The following DEPDC7 variants were observed in gnomAD, a reference collection of about 807,000 sequenced individuals.
DEPDC7 encodes DEP domain containing 7, also known as DEP domain-containing protein 7.
DEPDC7 carries 41 observed loss-of-function variants against 56.6 expected under a neutral mutation model. The ratio of observed to expected loss-of-function variants is 0.72; its 90% confidence interval spans 0.56 to 0.94. The LOEUF is 0.94. DEPDC7 is among the 40% of genes least tolerant of loss of function. The pLI is 0.00. For missense variants in DEPDC7, 522 were observed against 596.3 expected (o/e 0.88, Z 1.30); for synonymous variants, 185 against 208.8 (o/e 0.89, Z 0.98).
In DEPDC7 at chr11:33,015,927, G is replaced by C; in HGVS notation, c.-29G>C. 6.4e-7 allele frequency: 1 copy of C among 1,558,964 alleles called. No homozygotes were observed. Among genetic ancestry groups the C allele is most frequent in the Middle Eastern group, 1.7e-4 (1 of 5,924 alleles). ...GAGCTAGGGAGCTGTGAAGCTGCTG[G>C]AGGAGTTGGCGTCCGGGGAGCAAGG... is the stretch of plus-strand genomic sequence containing the variant. On this transcript the variant is annotated 5_prime_UTR_variant, in exon 1 of 9. Coordinates refer to ENST00000241051, the MANE Select transcript of DEPDC7 (RefSeq NM_001077242.2).
At chr11:33,016,813 T>G (rs1357601166) in intron 1 of DEPDC7, among the ~76,000 whole-genome samples, 1 of 152,214 alleles carries the variant, frequency 6.6e-6, no homozygotes, top group Non-Finnish European at 1.5e-5. Context: ...TACAACCCAG[T>G]TAATAGGGGT....
At position 33,032,688 on chromosome 11, in the gene DEPDC7, G is replaced by T; in HGVS notation, c.1158G>T (p.Val386=). ...TATAGAGTGACAACCGAATGGTTGT[G>T]AAAAGGATATTCTCAAAAGCTATTG... ...LQKESDNRMV[V]KRIFSKAIVD... Residue 386 remains valine (V), a synonymous_variant, in exon 7 of 9, where the codon GTG becomes GTT. Transcript: ENST00000241051. The T allele has an allele frequency of 6.3e-7, 1 of 1,594,790 alleles. No individual in the cohort carries two copies. Among genetic ancestry groups the T allele is most frequent in the Non-Finnish European group, 8.5e-7 (1 of 1,169,910 alleles).
intron 3 of DEPDC7, chr11:33,028,049 C>A (rs149546704): frequency 0.01 from 3,684 of 351,242 alleles, 24 homozygotes; most frequent in Non-Finnish European, 0.014. Flanking sequence ...AGGTTCAGAT[C>A]TGAGATGTTT....
intron 4 of DEPDC7, among the ~76,000 whole-genome samples, chr11:33,030,750 A>T (rs1282830554): frequency 6.6e-6 from 1 of 151,706 alleles, no homozygotes; most frequent in Non-Finnish European, 1.5e-5. Context: ...CACCCAGCTA[A>T]TTTTTGCATT....
At position 33,028,784 on chromosome 11, in the gene DEPDC7, T is replaced by C; in HGVS notation, c.774T>C (p.Ser258=). 6.2e-7 allele frequency: 1 copy of C among 1,604,764 alleles called. No individual in the cohort carries two copies. The highest frequency in any genetic ancestry group is 8.5e-7 in the Non-Finnish European group (1 of 1,176,964). The change falls in exon 4 of 9, where the codon AGT becomes AGC. Residue 258 remains serine, a synonymous_variant. Coordinates refer to ENST00000241051, the MANE Select transcript of DEPDC7 (RefSeq NM_001077242.2). The stretch of plus-strand genomic sequence containing the variant: ...ATCGAGGGATTCTCAAGGCTTATAG[T>C]GACTCTCAGTATGTGGAAATACATA... ...YLDRGILKAY[S]DSQEDEWLSA...
chr11:33,026,429 T>C (rs1296009167), intron 2 of DEPDC7: 3 of 295,570 alleles, frequency 1.0e-5, no homozygotes, highest in African/African-American at 6.5e-5. Context: ...AATCCAGTGA[T>C]TGAAATGGAT....
intron 1 of DEPDC7, among the ~76,000 whole-genome samples, chr11:33,023,495 CTT>C (rs1236122943): frequency 6.6e-6 from 1 of 152,124 alleles, no homozygotes; most frequent in Non-Finnish European, 1.5e-5. Context: ...AAATGACCCA[CTT>C]ATAATTTATG....
Position 33,016,021 on chromosome 11 carries a change from G to A in DEPDC7, c.66G>A (p.Arg22=). ...NLSALHSPAH[R]PPGFSVAQKP... is the part of the protein sequence containing the mutation. ...CGGCTCTCCACAGCCCCGCGCACAG[G>A]CCTCCGGGTAGGTGCCGAGGACTGC... The change falls in exon 1 of 9, where the codon AGG becomes AGA. Residue 22 remains arginine, a synonymous_variant. Transcript: ENST00000241051. The A allele has an allele frequency of 6.5e-7, 1 of 1,539,086 alleles. No homozygotes were observed. The highest frequency in any genetic ancestry group is 8.7e-7 in the Non-Finnish European group (1 of 1,142,940).
chr11:33,021,261 A>G (rs1397104808), intron 1 of DEPDC7, among the ~76,000 whole-genome samples: 1 of 151,956 alleles, frequency 6.6e-6, no homozygotes. Context: ...AAAAAAAAAA[A>G]AGAAAAAAAA....
chr11:33,016,461 C>G, intron 1 of DEPDC7: 1 of 1,598,266 alleles, frequency 6.3e-7, no homozygotes, highest in Middle Eastern at 1.9e-4. Flanking sequence ...AGGGGCCGAG[C>G]TCCTCCCTTG....
chr11:33,027,405 C>T (rs969823818), intron 2 of DEPDC7, among the ~76,000 whole-genome samples: 4 of 152,126 alleles, frequency 2.6e-5, no homozygotes, highest in African/African-American at 9.7e-5. Flanking sequence ...ACCCAGTAAG[C>T]ATAATGAAGT....
chr11:33,021,427 T>A (rs954676487), intron 1 of DEPDC7, among the ~76,000 whole-genome samples: 2 of 152,186 alleles, frequency 1.3e-5, no homozygotes, highest in African/African-American at 4.8e-5. Context: ...ATTTTTGGTC[T>A]CTTAAATCCT....
intron 4 of DEPDC7, 79 bp downstream of exon 4, chr11:33,028,871 T>A: frequency 8.8e-7 from 1 of 1,130,734 alleles, no homozygotes; most frequent in Non-Finnish European, 1.2e-6. Flanking sequence ...TCTGTTCTAT[T>A]CTTTTTTCTA....
At position 33,032,910 on chromosome 11, in the gene DEPDC7, AT is replaced by A; in HGVS notation, c.1287del (p.Ile429MetfsTer2). The A allele has an allele frequency of 6.2e-7, 1 of 1,604,716 alleles. No homozygotes were observed. The highest frequency in any genetic ancestry group is 8.5e-7 in the Non-Finnish European group (1 of 1,176,454). On this transcript the variant is annotated frameshift_variant, in exon 8 of 9. Transcript: ENST00000241051. LOFTEE classifies it high-confidence loss of function. ...VFKIPGTLHK[I>X]VSVKLMAIQN... The stretch of plus-strand genomic sequence containing the variant: ...TAAGATTCCTGGAACTCTACATAAA[AT>A]TGTAAGTGTTAAGCTTATGGCCATA...
intron 8 of DEPDC7, 49 bp downstream of exon 8, chr11:33,033,016 G>A (rs2273536): frequency 0.39 from 548,636 of 1,400,548 alleles, 109,970 homozygotes; most frequent in African/African-American, 0.44. Context: ...CAAATTTCAG[G>A]TGTTTTTTGA....
chr11:33,025,898 T>A lies in DEPDC7; in HGVS notation c.313T>A (p.Tyr105Asn), dbSNP rs1827191355. The A allele has an allele frequency of 6.2e-7, 1 of 1,614,196 alleles. No individual in the cohort carries two copies. Among genetic ancestry groups the A allele is most frequent in the Non-Finnish European group, 8.5e-7 (1 of 1,180,028 alleles). ...VVRVCQALMD[Y>N]KVFEAVPTKV... is the part of the protein sequence containing the mutation. ...GAGAGTGTGTCAAGCGCTTATGGAC[T>A]ACAAAGTATTTGAAGCAGTTCCAAC... is the stretch of plus-strand genomic sequence containing the variant. The change falls in exon 2 of 9, where the codon TAC (tyrosine) becomes AAC (asparagine). Residue 105 changes from tyrosine (Y) to asparagine (N), a missense_variant. Transcript: ENST00000241051.
chr11:33,033,544 A>T lies in DEPDC7; in HGVS notation c.*89A>T. 9.7e-7 allele frequency: 1 copy of T among 1,026,356 alleles called. No individual in the cohort carries two copies. Among genetic ancestry groups the T allele is most frequent in the Non-Finnish European group, 1.4e-6 (1 of 722,914 alleles). 63.6% of individuals were successfully genotyped at this position (1,026,356 alleles called of 1,614,324 possible). A position where few individuals can be genotyped will look rare whatever the true frequency, so the allele number is the denominator to read the frequency against. ...TCACATTTGTAAGCGTGGAAGCTCT[A>T]AATTTGAAACTGTACTTAATAAAAA... On this transcript the variant is annotated 3_prime_UTR_variant, in exon 9 of 9. Coordinates refer to ENST00000241051, the MANE Select transcript of DEPDC7 (RefSeq NM_001077242.2).
intron 1 of DEPDC7, chr11:33,016,495 A>G (rs1853462931): frequency 1.9e-6 from 3 of 1,612,642 alleles, no homozygotes; most frequent in African/African-American, 2.7e-5. Context: ...CCAGACTGCT[A>G]GGAGTCAAGA....
intron 4 of DEPDC7, among the ~76,000 whole-genome samples, chr11:33,030,836 G>A (rs1047526344): frequency 8.5e-5 from 13 of 152,142 alleles, no homozygotes; most frequent in Admixed American, 3.9e-4. Context: ...CACCTGCCTC[G>A]GCCTCCCAAA....
Sources: gnomAD v4.1 joint callset for allele counts (sites outside exome capture counted in the v4.1 genomes callset) on GRCh38, gnomAD v4.1.1 for gene constraint, MANE v1.5 for transcripts, NCBI Gene and HGNC (gene_info 2026-07-23, HGNC 2026-07-21) for gene names.